Variants in FRMD3 observed in about 807,000 individuals in gnomAD.
FRMD3 encodes the protein FERM domain-containing protein 3.
A neutral mutation model predicts 70.2 loss-of-function variants in FRMD3; 33 were observed. The observed-to-expected ratio is 0.47, with a 90% confidence interval of 0.36 to 0.63. The LOEUF is 0.63. Among genes scored for constraint, FRMD3 ranks in the 20% least tolerant of loss-of-function variants. The pLI is 0.00. For missense variants in FRMD3, 632 were observed against 711.4 expected (o/e 0.89, Z 1.27); for synonymous variants, 279 against 255.9 (o/e 1.09, Z -0.86).
upstream of FRMD3, among the ~76,000 whole-genome samples, chr9:83,542,127 G>A (rs1830006874): frequency 6.6e-6 from 1 of 152,054 alleles, no homozygotes. Flanking sequence ...AGCCATAGCA[G>A]TGGCTGCAAG....
chr9:83,419,611 ATG>A (rs1009417397), intron 1 of FRMD3, among the ~76,000 whole-genome samples: 3 of 150,010 alleles, frequency 2.0e-5, no homozygotes, highest in East Asian at 2.0e-4. Flanking sequence ...CGTGTGTGAT[ATG>A]TGTGTGTTCA....
chr9:83,578,818 G>C, the FRMD3 span, among the ~76,000 whole-genome samples: 1 of 151,910 alleles, frequency 6.6e-6, no homozygotes, highest in African/African-American at 2.4e-5. Context: ...GTCCTAGCCA[G>C]AGCAATTAGG....
At chr9:83,456,273 C>T (rs938883852) in intron 1 of FRMD3, among the ~76,000 whole-genome samples, 1 of 152,180 alleles carries the variant, frequency 6.6e-6, no homozygotes, top group African/African-American at 2.4e-5. Context: ...ATGGCCGCAT[C>T]CATTGTATAG....
chr9:83,275,610 C>T (rs2118853168), intron 13 of FRMD3, among the ~76,000 whole-genome samples: 1 of 152,326 alleles, frequency 6.6e-6, no homozygotes, highest in Non-Finnish European at 1.5e-5. Flanking sequence ...GCACCATATA[C>T]TGTGAACATC....
intron 1 of FRMD3, among the ~76,000 whole-genome samples, chr9:83,425,858 G>T (rs1826789679): frequency 7.9e-6 from 1 of 127,198 alleles, no homozygotes; most frequent in African/African-American, 3.0e-5. Flanking sequence ...AGTGAGCCGA[G>T]ATCATGCCAC....
intron 1 of FRMD3, among the ~76,000 whole-genome samples, chr9:83,449,720 T>C (rs569130823): frequency 6.6e-6 from 1 of 152,318 alleles, no homozygotes; most frequent in South Asian, 2.1e-4. Flanking sequence ...TCTAGACTCA[T>C]GTTTGTTGAT....
chr9:83,299,812 A>G (rs1348236317), intron 10 of FRMD3, among the ~76,000 whole-genome samples: 1 of 152,218 alleles, frequency 6.6e-6, no homozygotes, highest in Non-Finnish European at 1.5e-5. Flanking sequence ...GAAGCTGCCC[A>G]GACAAGAACT....
chr9:83,331,365 T>C (rs771476365), intron 6 of FRMD3, among the ~76,000 whole-genome samples: 20 of 152,202 alleles, frequency 1.3e-4, no homozygotes, highest in Non-Finnish European at 2.8e-4. Flanking sequence ...CTACACATTG[T>C]ATGATTCCAA....
At chr9:83,307,057 TA>T (rs1422874906) in intron 10 of FRMD3, among the ~76,000 whole-genome samples, 2 of 152,206 alleles carry the variant, frequency 1.3e-5, no homozygotes, top group Non-Finnish European at 2.9e-5. Flanking sequence ...TACAGATATA[TA>T]AAATTCTGTA....
chr9:83,317,996 C>A (rs2025387), intron 6 of FRMD3, among the ~76,000 whole-genome samples: 34,170 of 152,136 alleles, frequency 0.22, 4,379 homozygotes, highest in East Asian at 0.4. Context: ...AACCTCTGCA[C>A]AATAAGCAAA....
chr9:83,424,453 C>T (rs1041053516), intron 1 of FRMD3, among the ~76,000 whole-genome samples: 3 of 152,116 alleles, frequency 2.0e-5, no homozygotes, highest in African/African-American at 2.4e-5. Flanking sequence ...AAAGCCTGCC[C>T]GGTATAATTT....
intron 1 of FRMD3, among the ~76,000 whole-genome samples, chr9:83,497,690 T>C (rs1828972310): frequency 6.6e-6 from 1 of 152,170 alleles, no homozygotes. Context: ...GTGTGCAACC[T>C]TCCACTCTCT....
At chr9:83,553,847 A>G in the FRMD3 span, among the ~76,000 whole-genome samples, 2 of 152,014 alleles carry the variant, frequency 1.3e-5, no homozygotes, top group African/African-American at 2.4e-5. Flanking sequence ...TCTGAGTTCT[A>G]TTTCTGTCAT....
At chr9:83,559,106 TGA>T in the FRMD3 span, among the ~76,000 whole-genome samples, 1 of 152,210 alleles carries the variant, frequency 6.6e-6, no homozygotes, top group African/African-American at 2.4e-5. Context: ...TAGCAGGTTT[TGA>T]GAGGATTGAC....
intron 4 of FRMD3, 47 bp downstream of exon 4, chr9:83,349,632 T>C (rs1472682647): frequency 2.9e-6 from 4 of 1,358,030 alleles, no homozygotes; most frequent in Non-Finnish European, 4.2e-6. Context: ...AAAGAGATTC[T>C]GGCTGGTTAA....
chr9:83,283,256 C>T (rs551334567), intron 13 of FRMD3, among the ~76,000 whole-genome samples: 3 of 152,150 alleles, frequency 2.0e-5, no homozygotes, highest in Non-Finnish European at 2.9e-5. Flanking sequence ...GTTGGCCGGG[C>T]GCGGTGGTTC....
intron 1 of FRMD3, among the ~76,000 whole-genome samples, chr9:83,418,760 C>T (rs1460939929): frequency 1.3e-5 from 2 of 152,142 alleles, no homozygotes; most frequent in African/African-American, 2.4e-5. Flanking sequence ...AACATTCGAT[C>T]CAGCAATCCC....
At chr9:83,346,338 C>T (rs75265630) in intron 4 of FRMD3, among the ~76,000 whole-genome samples, 3,366 of 151,206 alleles carry the variant, frequency 0.022, 129 homozygotes, top group African/African-American at 0.078. Context: ...GTGGCATTTC[C>T]ATACACTGGA....
intron 3 of FRMD3, among the ~76,000 whole-genome samples, chr9:83,357,242 CATACATATAT>C (rs1189808590): frequency 0.055 from 730 of 13,226 alleles, 90 homozygotes; most frequent in South Asian, 0.067. Flanking sequence ...ATATATAATA[CATACATATAT>C]ATATATATAT....
Sources: gnomAD v4.1 joint callset for allele counts (sites outside exome capture counted in the v4.1 genomes callset) on GRCh38, gnomAD v4.1.1 for gene constraint, MANE v1.5 for transcripts, NCBI Gene and HGNC (gene_info 2026-07-23, HGNC 2026-07-21) for gene names.